The following EVC2 variants were observed in gnomAD, a reference collection of about 807,000 sequenced individuals.
The protein encoded by EVC2 is EvC ciliary complex subunit 2.
A neutral mutation model predicts 149.3 loss-of-function variants in EVC2; 148 were observed. That is an observed-to-expected ratio of 0.99 (90% CI 0.87 to 1.14). EVC2 has a LOEUF of 1.14. Among genes scored for constraint, EVC2 ranks in the 50% most tolerant of loss-of-function variants. The pLI is 0.00. For missense variants in EVC2, 1,854 were observed against 1,627.3 expected (o/e 1.14, Z -2.40); for synonymous variants, 776 against 649.9 (o/e 1.19, Z -2.95).
chr4:5,615,973 A>G (rs1483501072), intron 15 of EVC2, among the ~76,000 whole-genome samples: 1 of 152,200 alleles, frequency 6.6e-6, no homozygotes, highest in Admixed American at 6.5e-5. Context: ...CTAAATAAGG[A>G]CACTAGGAGC....
At chr4:5,695,553 T>C (rs1016018322) in intron 2 of EVC2, among the ~76,000 whole-genome samples, 3 of 152,140 alleles carry the variant, frequency 2.0e-5, no homozygotes, top group Non-Finnish European at 4.4e-5. Flanking sequence ...TCAGCTGAGT[T>C]CTCTGGGCCT....
At chr4:5,645,060 T>A (rs1238910298) in intron 9 of EVC2, among the ~76,000 whole-genome samples, 1 of 152,152 alleles carries the variant, frequency 6.6e-6, no homozygotes, top group African/African-American at 2.4e-5. Context: ...AATGGCTGGA[T>A]CACATGTTGG....
intron 7 of EVC2, among the ~76,000 whole-genome samples, chr4:5,669,462 A>C (rs1344886260): frequency 2.0e-5 from 3 of 152,210 alleles, no homozygotes. Context: ...GCTGGACACT[A>C]CTTACTGTCC....
chr4:5,570,739 C>T (rs769801525), intron 19 of EVC2, among the ~76,000 whole-genome samples: 8 of 152,132 alleles, frequency 5.3e-5, no homozygotes, highest in Non-Finnish European at 1.0e-4. Context: ...AATATGGAAC[C>T]AACCAAAGTG....
chr4:5,598,287 C>A (rs1713641201), intron 16 of EVC2, among the ~76,000 whole-genome samples: 1 of 151,842 alleles, frequency 6.6e-6, no homozygotes, highest in Non-Finnish European at 1.5e-5. Flanking sequence ...AAGAACAAAG[C>A]TGGAGGCATC....
rs369005788 is a variant in EVC2, at chr4:5,568,651, C to T, written c.3361-11G>A. 1.4e-5 allele frequency: 22 copies of T among 1,605,318 alleles called. No homozygotes were observed. The African/African-American group carries it at 1.9e-4, about 14-fold the overall frequency. On this transcript the variant is annotated splice_polypyrimidine_tract_variant and intron_variant, in intron 19 of 21. Transcript: ENST00000344408. ...TGCCAGTCTCAGCTCCTACAGGAAACAACAGAGGGAGTTCAGACCCTCGCC... is the reference window on the plus strand; with the variant it reads ...TGCCAGTCTCAGCTCCTACAGGAAATAACAGAGGGAGTTCAGACCCTCGCC...
In EVC2 at chr4:5,670,526, ACAT is replaced by A. The variant is rs1172194663; in HGVS notation, c.871-4880_871-4878del. Among the ~76,000 whole-genome samples, 1 of 151,224 alleles carries A rather than the reference ACAT, an allele frequency of 6.6e-6. No individual in the cohort carries two copies. Among genetic ancestry groups the A allele is most frequent in the Non-Finnish European group, 1.5e-5 (1 of 67,792 alleles). ...ATCACCATCGCCACCACGATTATCAACATCATCAATATCCCCATCACCATCATC... is the reference window on the plus strand; with the variant it reads ...ATCACCATCGCCACCACGATTATCAACATCAATATCCCCATCACCATCATC... On this transcript the variant is annotated intron_variant, in intron 7 of 21. Transcript: ENST00000344408. This position sits in a 1 kb window ranked among gnomAD's most constrained non-coding sequence, Gnocchi z 5.2.
chr4:5,607,702 G>C (rs1430785307), intron 16 of EVC2, among the ~76,000 whole-genome samples: 1 of 152,138 alleles, frequency 6.6e-6, no homozygotes, highest in African/African-American at 2.4e-5. Context: ...CTCATTCGAG[G>C]TAGAGTTACA....
In EVC2 at chr4:5,622,711, A is replaced by T; in HGVS notation, c.2327T>A (p.Ile776Asn). The change falls in exon 14 of 22, where the codon ATC becomes AAC. Residue 776 changes from isoleucine to asparagine, a missense_variant. Ile to Asn is a moderately radical substitution (Grantham distance 149). Coordinates refer to ENST00000344408, the MANE Select transcript of EVC2 (RefSeq NM_147127.5). The surrounding 1 kb of genome is among the most constrained non-coding windows in gnomAD (Gnocchi z 5.8). ...CATCTCCTTGCCGTGCTCCTCCAGG[A>T]TCTGCTGCAGGAAGAGCCAGGGCAC... ...RGVPWLFLQQ[I>N]LEEHGKEMAA... The T allele has an allele frequency of 6.2e-7, 1 of 1,613,918 alleles. No individual in the cohort carries two copies. The highest frequency in any genetic ancestry group is 8.5e-7 in the Non-Finnish European group (1 of 1,180,008).
At chr4:5,617,407 C>T (rs1715336203) in intron 15 of EVC2, among the ~76,000 whole-genome samples, 1 of 152,174 alleles carries the variant, frequency 6.6e-6, no homozygotes, top group Admixed American at 6.5e-5. Flanking sequence ...ACTATTATTA[C>T]TTTAAGAGAA....
chr4:5,588,105 G>GC lies in EVC2; in HGVS notation c.2830-3256dup. 5.3e-5 allele frequency among the ~76,000 whole-genome samples: 8 copies of GC among 152,186 alleles called. 3 individuals carry two copies. The highest frequency in any genetic ancestry group is 5.2e-4 in the Admixed American group (8 of 15,294). On this transcript the variant is annotated intron_variant, in intron 16 of 21. Coordinates refer to ENST00000344408, the MANE Select transcript of EVC2 (RefSeq NM_147127.5). ...AATCTCCTAGTAAGGAAAACTTTCA[G>GC]CATTGTAAGTCTAAAAAAATTTATT...
chr4:5,577,569 A>G (rs1723006866), intron 17 of EVC2, among the ~76,000 whole-genome samples: 1 of 152,178 alleles, frequency 6.6e-6, no homozygotes, highest in African/African-American at 2.4e-5. Flanking sequence ...TTTTCTGCAG[A>G]AAGGCCAAAG....
intron 16 of EVC2, among the ~76,000 whole-genome samples, chr4:5,593,305 C>T (rs1332778000): frequency 6.6e-6 from 1 of 152,174 alleles, no homozygotes; most frequent in African/African-American, 2.4e-5. Context: ...AGTCACCTGC[C>T]TGCCCTTCTT....
intron 9 of EVC2, among the ~76,000 whole-genome samples, chr4:5,650,253 A>G (rs1227547637): frequency 6.6e-6 from 1 of 152,050 alleles, no homozygotes; most frequent in African/African-American, 2.4e-5. Flanking sequence ...ACTATGACAG[A>G]AGGCTCAGCC....
chr4:5,579,202 T>C (rs1003099531), intron 17 of EVC2, among the ~76,000 whole-genome samples: 4 of 151,928 alleles, frequency 2.6e-5, no homozygotes, highest in Non-Finnish European at 1.5e-5. Flanking sequence ...TAGGCAGAAA[T>C]TGAGTTTAGG....
At position 5,547,478 on chromosome 4, in the gene EVC2, C is replaced by T. The variant is rs747730449; in HGVS notation, c.3420-4266G>A. 5.1e-4 allele frequency among the ~76,000 whole-genome samples: 77 copies of T among 152,170 alleles called. 1 individual carries two copies. Among genetic ancestry groups the T allele is most frequent in the Admixed American group, 3.7e-3 (57 of 15,282 alleles). On this transcript the variant is annotated intron_variant and NMD_transcript_variant, in intron 21 of 22. Transcript: ENST00000475313. ...GCTGGGGGCCCAGCTGCCGGTCCCA[C>T]GGACCAGAGTGGGAACTTGTGGTGC...
At chr4:5,690,184 G>A (rs191353551) in intron 4 of EVC2, among the ~76,000 whole-genome samples, 144 of 152,286 alleles carry the variant, frequency 9.5e-4, no homozygotes, top group Admixed American at 8.8e-3. Context: ...TCACTAGAAG[G>A]ATATACAAGA....
At position 5,708,436 on chromosome 4, in the gene EVC2, C is replaced by T. The variant is rs1472845952; in HGVS notation, c.78G>A (p.Gly26=). ...GGLLAVALAL[G]GRGCLGASSR... ...AGCTGGCGCCGAGACAGCCTCGGCC[C>T]CCCAGCGCCAGGGCCACTGCCAGGA... is the stretch of plus-strand genomic sequence containing the variant. Residue 26 remains glycine, a synonymous_variant, in exon 1 of 22, where the codon GGG becomes GGA. Transcript: ENST00000344408. 11 of 1,505,706 alleles carry T rather than the reference C, an allele frequency of 7.3e-6. No individual in the cohort carries two copies. Among genetic ancestry groups the T allele is most frequent in the Non-Finnish European group, 8.8e-6 (10 of 1,134,856 alleles). The allele number at this position is 1,505,706 out of a possible 1,614,324, so 93.3% of individuals were successfully genotyped here. A position where few individuals can be genotyped will look rare whatever the true frequency, so the allele number is the denominator to read the frequency against.
intron 10 of EVC2, among the ~76,000 whole-genome samples, chr4:5,639,179 G>A (rs1369243359): frequency 1.3e-5 from 2 of 152,136 alleles, no homozygotes; most frequent in African/African-American, 4.8e-5. Flanking sequence ...TTTGCTCCCA[G>A]GGGCATCCAT....
Sources: allele counts gnomAD v4.1 joint callset (sites outside exome capture counted in the v4.1 genomes callset), GRCh38; gene constraint gnomAD v4.1.1; non-coding constraint Gnocchi (gnomAD v3.1); transcripts MANE v1.5; gene names NCBI Gene and HGNC (gene_info 2026-07-23, HGNC 2026-07-21).